The following NMT1 variants were observed in gnomAD, a reference collection of about 807,000 sequenced individuals.
NMT1 encodes the protein N-myristoyltransferase 1.
In NMT1, 12 loss-of-function variants were observed where a neutral mutation model predicts 63.4. That is an observed-to-expected ratio of 0.19 (90% CI 0.12 to 0.31). The LOEUF (loss-of-function observed/expected upper bound fraction) is 0.31, where lower values mean the gene tolerates loss of function less well. Ranked by LOEUF, NMT1 falls within the 10% of genes least tolerant of loss-of-function variation. NMT1 has a pLI of 1.00. For missense variants in NMT1, 432 were observed against 634.6 expected, an observed-to-expected ratio of 0.68 and a Z score of 3.43; for synonymous variants, 228 against 234.3, an observed-to-expected ratio of 0.97 and a Z score of 0.25.
chr17:45,103,991 C>T lies in NMT1; in HGVS notation c.1332+115C>T. The T allele has an allele frequency of 1.3e-6, 2 of 1,598,678 alleles. No individual in the cohort carries two copies. The highest frequency in any genetic ancestry group is 1.7e-4 in the Middle Eastern group (1 of 6,056). On this transcript the variant is annotated intron_variant, in intron 10 of 11. Coordinates refer to ENST00000258960, the MANE Select transcript of NMT1 (RefSeq NM_021079.5). This position sits in a 1 kb window ranked among gnomAD's most constrained non-coding sequence, Gnocchi z 4.8. ...TGGGCTGGAGGCTCTGAGCCCTCCT[C>T]ATCTGTTCTGCTTAGGCAGGGTTCC... is the stretch of plus-strand genomic sequence containing the variant.
At chr17:45,084,608 C>T (rs1451652736) in intron 2 of NMT1, among the ~76,000 whole-genome samples, 1 of 151,740 alleles carries the variant, frequency 6.6e-6, no homozygotes, top group Non-Finnish European at 1.5e-5. Context: ...GCTAGGATTA[C>T]AGGCGTGAGC....
intron 4 of NMT1, among the ~76,000 whole-genome samples, chr17:45,095,218 T>C (rs2054117118): frequency 6.6e-6 from 1 of 151,950 alleles, no homozygotes; most frequent in Admixed American, 6.6e-5. Context: ...GCAATTCTCC[T>C]GCCTCAGCCT....
At chr17:45,072,332 T>G (rs1201182997) in intron 1 of NMT1, among the ~76,000 whole-genome samples, 3 of 151,324 alleles carry the variant, frequency 2.0e-5, no homozygotes, top group Non-Finnish European at 4.4e-5. Context: ...TGATCTCAGC[T>G]CACTGCAACC....
rs560450936 is a variant in NMT1, at chr17:45,103,890, G to A, written c.1332+14G>A. 2.5e-6 allele frequency: 4 copies of A among 1,612,022 alleles called. No individual in the cohort carries two copies. The highest frequency in any genetic ancestry group is 2.7e-5 in the African/African-American group (2 of 74,912). On this transcript the variant is annotated intron_variant, in intron 10 of 11. Transcript: ENST00000258960. The surrounding 1 kb of genome is among the most constrained non-coding windows in gnomAD (Gnocchi z 4.8). ...CTCGCCAAAATGGTGAGGAGCAGAC[G>A]GGGGGGTCTCTGGAGATGTGCAGGG...
intron 2 of NMT1, among the ~76,000 whole-genome samples, chr17:45,082,699 C>A (rs911190354): frequency 1.3e-5 from 2 of 152,188 alleles, no homozygotes; most frequent in African/African-American, 4.8e-5. Context: ...ACAACTCAAA[C>A]ATATTCATAA....
In NMT1 at chr17:45,104,831, GTTC is replaced by G; in HGVS notation, c.1333-25_1333-23del. On this transcript the variant is annotated intron_variant, in intron 10 of 11. Transcript: ENST00000258960. This position sits in a 1 kb window ranked among gnomAD's most constrained non-coding sequence, Gnocchi z 4.2. Reference sequence around the variant, plus strand: ...AGGCTGTCCCCACCTGTCCTCACCTGTTCTTGTTTGTCCCTGCTGCTTTGCAGA... The same window carrying G: ...AGGCTGTCCCCACCTGTCCTCACCTGTTGTTTGTCCCTGCTGCTTTGCAGA... 6.2e-7 allele frequency: 1 copy of G among 1,613,946 alleles called. No individual in the cohort carries two copies. The highest frequency in any genetic ancestry group is 1.3e-5 in the African/African-American group (1 of 75,050).
intron 1 of NMT1, among the ~76,000 whole-genome samples, chr17:45,066,782 A>G (rs1978070): frequency 0.22 from 34,076 of 152,046 alleles, 4,406 homozygotes; most frequent in African/African-American, 0.34. Flanking sequence ...TGGTGTGATC[A>G]TGGCTTACTG....
intron 1 of NMT1, among the ~76,000 whole-genome samples, chr17:45,076,192 C>G (rs576629406): frequency 1.6e-4 from 24 of 152,158 alleles, no homozygotes; most frequent in Non-Finnish European, 3.1e-4. Context: ...TGAGGCCATT[C>G]TTCTGTGAAG....
chr17:45,098,313 C>G, intron 6 of NMT1, 69 bp from the exon 7 acceptor site: 1 of 1,486,268 alleles, frequency 6.7e-7, no homozygotes, highest in Non-Finnish European at 9.2e-7. Flanking sequence ...TGTGGCTGCA[C>G]GTGCTTGATG....
intron 7 of NMT1, 90 bp downstream of exon 7, chr17:45,098,642 T>C: frequency 8.1e-7 from 1 of 1,235,734 alleles, no homozygotes; most frequent in Non-Finnish European, 1.2e-6. Context: ...AGCTCCGCCC[T>C]TAGCATCCCA....
In NMT1 at chr17:45,106,280, C is replaced by A. The variant is rs2054201998; in HGVS notation, c.*641C>A. ...TAGCACGTGGAGCTCTTGGCTGGGG[C>A]TGACCCTGGGCAGGGACTTTCCTGC... On this transcript the variant is annotated 3_prime_UTR_variant, in exon 12 of 12. Coordinates refer to ENST00000258960, the MANE Select transcript of NMT1 (RefSeq NM_021079.5). 1 of 152,746 alleles carries A rather than the reference C, an allele frequency of 6.5e-6. No homozygotes were observed. Among genetic ancestry groups the A allele is most frequent in the African/African-American group, 2.4e-5 (1 of 41,560 alleles). 9.5% of individuals were successfully genotyped at this position (152,746 alleles called of 1,614,324 possible).
intron 1 of NMT1, among the ~76,000 whole-genome samples, chr17:45,076,688 T>C (rs2053979770): frequency 6.6e-6 from 1 of 151,140 alleles, no homozygotes; most frequent in East Asian, 1.9e-4. Flanking sequence ...AGGCGGAGGC[T>C]GCAGTGAGCT....
intron 1 of NMT1, among the ~76,000 whole-genome samples, chr17:45,069,527 G>A (rs1012544406): frequency 2.0e-5 from 3 of 151,784 alleles, no homozygotes; most frequent in Non-Finnish European, 2.9e-5. Flanking sequence ...TCCTAATCTC[G>A]TGATCTGCCC....
At position 45,089,975 on chromosome 17, in the gene NMT1, G is replaced by C. The variant is rs1018191896; in HGVS notation, c.385+3323G>C. 2.6e-5 allele frequency among the ~76,000 whole-genome samples: 4 copies of C among 151,904 alleles called. No individual in the cohort carries two copies. In the East Asian group the frequency reaches 5.9e-4, roughly 22 times the overall value. Reference sequence around the variant, plus strand: ...TCTTTAGAAGCTTAAAATTATCCTAGGTTTACCATGGAAAGGCCTTCTTAG... The same window carrying C: ...TCTTTAGAAGCTTAAAATTATCCTACGTTTACCATGGAAAGGCCTTCTTAG... On this transcript the variant is annotated intron_variant, in intron 3 of 11. Coordinates refer to ENST00000258960, the MANE Select transcript of NMT1 (RefSeq NM_021079.5).
At chr17:45,093,923 C>T in intron 4 of NMT1, 120 bp downstream of exon 4, 1 of 728,946 alleles carries the variant, frequency 1.4e-6, no homozygotes, top group Non-Finnish European at 2.3e-6. Flanking sequence ...GAGGTCTGAA[C>T]AGACTCCCGT....
intron 8 of NMT1, among the ~76,000 whole-genome samples, chr17:45,100,562 C>G (rs1465070792): frequency 7.0e-6 from 1 of 142,268 alleles, no homozygotes; most frequent in Non-Finnish European, 1.5e-5. Flanking sequence ...AGCGAGACTC[C>G]GTCTCAAAAT....
Position 45,079,310 on chromosome 17 carries a change from G to A in NMT1, c.132-2334G>A, listed in dbSNP as rs141385334. Among the ~76,000 whole-genome samples the A allele has an allele frequency of 5.1e-3, 775 of 152,064 alleles. 1 individual carries two copies. The highest frequency in any genetic ancestry group is 0.021 in the Middle Eastern group (6 of 292). ...GTAGAGACGGGGTTTCACCATGTGGGTCAGGCTGGTCTCGAACTCCTGACC... is the reference window on the plus strand; with the variant it reads ...GTAGAGACGGGGTTTCACCATGTGGATCAGGCTGGTCTCGAACTCCTGACC... On this transcript the variant is annotated intron_variant, in intron 1 of 11. Transcript: ENST00000258960.
Position 45,069,362 on chromosome 17 carries a change from G to T in NMT1, c.131+7902G>T, listed in dbSNP as rs11871873. ...GCTGGAGTGCAGTGGCGTGATCTTGGCTCACCACAACCTCCACCTCCCAGG... is the reference window on the plus strand; with the variant it reads ...GCTGGAGTGCAGTGGCGTGATCTTGTCTCACCACAACCTCCACCTCCCAGG... On this transcript the variant is annotated intron_variant, in intron 1 of 11. Coordinates refer to ENST00000258960, the MANE Select transcript of NMT1 (RefSeq NM_021079.5). 2.8e-3 allele frequency among the ~76,000 whole-genome samples: 422 copies of T among 151,740 alleles called. 1 individual carries two copies. Among genetic ancestry groups the T allele is most frequent in the African/African-American group, 9.1e-3 (378 of 41,374 alleles).
In NMT1 at chr17:45,103,833, C is replaced by G. The variant is rs2054184409; in HGVS notation, c.1289C>G (p.Pro430Arg). 1 of 1,614,188 alleles carries G rather than the reference C, an allele frequency of 6.2e-7. No individual in the cohort carries two copies. The highest frequency in any genetic ancestry group is 1.1e-5 in the South Asian group (1 of 91,088). Residue 430 changes from proline to arginine, a missense_variant, in exon 10 of 12, where the codon CCT becomes CGT. This residue lies in a region of NMT1 where 295 missense variants were observed against 489.7 expected (regional missense o/e 0.60). Transcript: ENST00000258960. The surrounding 1 kb of genome is among the most constrained non-coding windows in gnomAD (Gnocchi z 4.8). ...TTCTACAACGTTCACACCCAGACCC[C>G]TCTTCTAGACCTCATGAGCGACGCC... Reference protein sequence around the residue: ...YSFYNVHTQTPLLDLMSDALV... With the variant: ...YSFYNVHTQTRLLDLMSDALV...
Sources: allele counts gnomAD v4.1 joint callset (sites outside exome capture counted in the v4.1 genomes callset), GRCh38; gene constraint gnomAD v4.1.1; regional missense constraint gnomAD v4.1.1; non-coding constraint Gnocchi (gnomAD v3.1); transcripts MANE v1.5; gene names NCBI Gene and HGNC (gene_info 2026-07-23, HGNC 2026-07-21).